Variants in SEMA6D observed in about 807,000 individuals in gnomAD.
SEMA6D encodes the protein semaphorin-6D.
SEMA6D carries 35 observed loss-of-function variants against 106.6 expected under a neutral mutation model. The observed-to-expected ratio is 0.33, with a 90% CI of 0.25 to 0.44. The LOEUF (loss-of-function observed/expected upper bound fraction) is 0.44. Among genes scored for constraint, SEMA6D ranks in the 20% least tolerant of loss-of-function variants. The pLI, the probability that SEMA6D is intolerant of heterozygous loss-of-function variation, is 1.00. For missense variants in SEMA6D, 1,185 were observed against 1,345.9 expected, an observed-to-expected ratio of 0.88 and a Z score of 1.87; for synonymous variants, 499 against 487.7, an observed-to-expected ratio of 1.02 and a Z score of -0.31.
intron 3 of SEMA6D, among the ~76,000 whole-genome samples, chr15:47,478,059 G>A (rs561506972): frequency 2.6e-5 from 4 of 152,246 alleles, no homozygotes; most frequent in Non-Finnish European, 5.9e-5. Context: ...GCAGCAATTA[G>A]GCAGCTTTTA....
intron 1 of SEMA6D, among the ~76,000 whole-genome samples, chr15:47,228,051 TATA>T (rs1254012094): frequency 1.4e-5 from 2 of 144,070 alleles, no homozygotes; most frequent in African/African-American, 5.0e-5. Flanking sequence ...ATCTTATATA[TATA>T]TTTTTATATA....
At chr15:47,191,647 T>A (rs550031460) in intron 1 of SEMA6D, among the ~76,000 whole-genome samples, 2 of 152,336 alleles carry the variant, frequency 1.3e-5, no homozygotes, top group African/African-American at 4.8e-5. Context: ...GTCCCTGCTC[T>A]GAAGGTATTT....
chr15:47,637,630 G>A (rs1224621357), intron 4 of SEMA6D, among the ~76,000 whole-genome samples: 2 of 152,182 alleles, frequency 1.3e-5, no homozygotes, highest in African/African-American at 2.4e-5. Flanking sequence ...GTAAATAGGT[G>A]TGATGCTATA....
intron 2 of SEMA6D, among the ~76,000 whole-genome samples, chr15:47,417,399 C>CTGTGTGTGTGTATA (rs1281776264): frequency 3.0e-5 from 4 of 133,986 alleles, no homozygotes; most frequent in Non-Finnish European, 6.4e-5. Context: ...TCTGCTTATA[C>CTGTGTGTGTGTATA]TGTGTGTGTG....
At chr15:47,230,270 A>C in intron 1 of SEMA6D, among the ~76,000 whole-genome samples, 1 of 152,144 alleles carries the variant, frequency 6.6e-6, no homozygotes, top group South Asian at 2.1e-4. Context: ...ATTGTAACAT[A>C]AGTTTTATTT....
At chr15:47,514,483 G>C (rs1447481832) in intron 3 of SEMA6D, among the ~76,000 whole-genome samples, 1 of 152,128 alleles carries the variant, frequency 6.6e-6, no homozygotes. Context: ...TGTCTCACTT[G>C]CAGCATTCCC....
intron 4 of SEMA6D, among the ~76,000 whole-genome samples, chr15:47,616,152 T>A (rs980512451): frequency 6.6e-6 from 1 of 151,356 alleles, no homozygotes; most frequent in African/African-American, 2.4e-5. Context: ...TGTCTAGACC[T>A]TGACTTAAAA....
intron 3 of SEMA6D, among the ~76,000 whole-genome samples, chr15:47,572,584 A>T (rs2076081105): frequency 1.3e-5 from 2 of 152,188 alleles, no homozygotes; most frequent in African/African-American, 4.8e-5. Context: ...AGCTGGGGTC[A>T]GCCTTCAGAA....
intron 1 of SEMA6D, among the ~76,000 whole-genome samples, chr15:47,263,443 A>G (rs2034170575): frequency 6.6e-6 from 1 of 152,148 alleles, no homozygotes; most frequent in African/African-American, 2.4e-5. Flanking sequence ...AATCATCTGG[A>G]AAAAAGGCTC....
chr15:47,652,069 GC>G (rs2077702924), intron 4 of SEMA6D, among the ~76,000 whole-genome samples: 1 of 152,052 alleles, frequency 6.6e-6, no homozygotes, highest in Admixed American at 6.5e-5. Flanking sequence ...ATCATTTTTT[GC>G]CATACATAAT....
intron 1 of SEMA6D, among the ~76,000 whole-genome samples, chr15:47,314,789 G>A (rs1475234183): frequency 1.3e-5 from 2 of 149,024 alleles, no homozygotes; most frequent in South Asian, 4.2e-4. Flanking sequence ...TTATCTCATG[G>A]ATCCTGCCTT....
intron 1 of SEMA6D, among the ~76,000 whole-genome samples, chr15:47,208,388 A>G (rs938271029): frequency 6.6e-6 from 1 of 152,194 alleles, no homozygotes; most frequent in South Asian, 2.1e-4. Context: ...TTAGTCCTCT[A>G]TATTAAATAA....
intron 1 of SEMA6D, among the ~76,000 whole-genome samples, chr15:47,206,604 T>C (rs1159923231): frequency 6.6e-6 from 1 of 152,020 alleles, no homozygotes; most frequent in East Asian, 1.9e-4. Context: ...AGGAAAACAG[T>C]AGCTTCCATC....
rs1273825273 is a variant in SEMA6D at position 47,771,188 on chromosome 15, C to T, written c.2625C>T (p.Ser875=). The T allele has an allele frequency of 8.1e-6, 13 of 1,613,940 alleles. No individual in the cohort carries two copies. The highest frequency in any genetic ancestry group is 1.1e-5 in the Non-Finnish European group (13 of 1,179,986). Residue 875 remains serine (S), a synonymous_variant, in exon 19 of 19, where the codon TCC becomes TCT. Coordinates refer to ENST00000536845, the MANE Select transcript of SEMA6D (RefSeq NM_001358351.3). Reference sequence around the variant, plus strand: ...GAGATCACCGGCGTTCTGTTGATTCCAGAAATACCCTCAATGATCTCCTGA... The same window carrying T: ...GAGATCACCGGCGTTCTGTTGATTCTAGAAATACCCTCAATGATCTCCTGA... ...SKRDHRRSVD[S]RNTLNDLLKH...
chr15:47,763,749 G>T (rs2082188052), intron 9 of SEMA6D, 101 bp from the exon 10 acceptor site: 4 of 1,006,108 alleles, frequency 4.0e-6, no homozygotes, highest in Admixed American at 3.5e-5. Context: ...TGAACCAGAT[G>T]TATCTTTAGT....
intron 2 of SEMA6D, among the ~76,000 whole-genome samples, chr15:47,457,393 C>T (rs1315878197): frequency 6.6e-6 from 1 of 151,292 alleles, no homozygotes; most frequent in Non-Finnish European, 1.5e-5. Context: ...AGAAAAAAAA[C>T]ACAGATGAAA....
chr15:47,506,696 G>A (rs778334216), intron 3 of SEMA6D, among the ~76,000 whole-genome samples: 4 of 152,042 alleles, frequency 2.6e-5, no homozygotes, highest in Non-Finnish European at 5.9e-5. Flanking sequence ...CAGTGCAGTG[G>A]AGGGATAGAA....
intron 4 of SEMA6D, among the ~76,000 whole-genome samples, chr15:47,657,455 G>A (rs2145106322): frequency 6.6e-6 from 1 of 152,030 alleles, no homozygotes; most frequent in South Asian, 2.1e-4. Context: ...GTCATGAACA[G>A]AATTTTCTTC....
At chr15:47,702,506 C>G (rs11070608) in intron 4 of SEMA6D, among the ~76,000 whole-genome samples, 1 of 152,036 alleles carries the variant, frequency 6.6e-6, no homozygotes, top group African/African-American at 2.4e-5. Flanking sequence ...ATCCAACAAT[C>G]GCACATTTTA....
Sources: allele counts gnomAD v4.1 joint callset (sites outside exome capture counted in the v4.1 genomes callset), GRCh38; gene constraint gnomAD v4.1.1; transcripts MANE v1.5; gene names NCBI Gene and HGNC (gene_info 2026-07-23, HGNC 2026-07-21).